Variants in CRMP1 observed in about 807,000 individuals in gnomAD.
CRMP1 encodes the protein collapsin response mediator protein 1.
A neutral mutation model predicts 68.3 loss-of-function variants in CRMP1; 19 were observed. The observed-to-expected ratio is 0.28, with a 90% confidence interval of 0.19 to 0.41. The LOEUF (loss-of-function observed/expected upper bound fraction) is 0.41. CRMP1 is among the 10% of genes least tolerant of loss of function. CRMP1 has a pLI of 1.00. For synonymous variants in CRMP1, 439 were observed against 399.6 expected (o/e 1.10, Z -1.18); for missense variants, 791 against 967.4 (o/e 0.82, Z 2.42).
Position 5,888,976 on chromosome 4 carries a change from T to C in CRMP1, c.381+3613A>G, listed in dbSNP as rs1226536791. On this transcript the variant is annotated intron_variant, in intron 1 of 13. Coordinates refer to ENST00000324989, the MANE Select transcript of CRMP1 (RefSeq NM_001014809.3). This position sits in a 1 kb window ranked among gnomAD's most constrained non-coding sequence, Gnocchi z 6.4. Reference sequence around the variant, plus strand: ...TTTATCCTTCCCGAGTGCCTCTCCCTGAATGCACCAAGCACTTTTTCCATC... The same window carrying C: ...TTTATCCTTCCCGAGTGCCTCTCCCCGAATGCACCAAGCACTTTTTCCATC... Among the ~76,000 whole-genome samples the C allele has an allele frequency of 6.6e-6, 1 of 151,970 alleles. No homozygotes were observed. Among genetic ancestry groups the C allele is most frequent in the African/African-American group, 2.4e-5 (1 of 41,376 alleles).
Position 5,841,477 on chromosome 4 carries a change from C to T in CRMP1, c.1033-49G>A. 1 of 1,606,076 alleles carries T rather than the reference C, an allele frequency of 6.2e-7. No homozygotes were observed. Among genetic ancestry groups the T allele is most frequent in the South Asian group, 1.1e-5 (1 of 90,290 alleles). On this transcript the variant is annotated intron_variant, in intron 7 of 13. Coordinates refer to ENST00000324989, the MANE Select transcript of CRMP1 (RefSeq NM_001014809.3). The surrounding 1 kb of genome is among the most constrained non-coding windows in gnomAD (Gnocchi z 6.9). ...ACAGGAGGGAAGGCTGGTGTAACAG[C>T]TACCACCCATCTCCATTTTCCTTAA...
rs1180351446 is a variant in CRMP1 at position 5,883,148 on chromosome 4, C to T, written c.381+9441G>A. Reference sequence around the variant, plus strand: ...TGTCATCCTCCAAACCCCAAGAAGCCATCTCTTGTTGCTTCTGCCAGGGCT... The same window carrying T: ...TGTCATCCTCCAAACCCCAAGAAGCTATCTCTTGTTGCTTCTGCCAGGGCT... On this transcript the variant is annotated intron_variant, in intron 1 of 13. Transcript: ENST00000324989. This position sits in a 1 kb window ranked among gnomAD's most constrained non-coding sequence, Gnocchi z 4.5. Among the ~76,000 whole-genome samples the T allele has an allele frequency of 6.6e-6, 1 of 152,102 alleles. No homozygotes were observed. Among genetic ancestry groups the T allele is most frequent in the Non-Finnish European group, 1.5e-5 (1 of 68,026 alleles).
rs1171939372 is a variant in CRMP1 at position 5,857,018 on chromosome 4, C to CA, written c.656-712_656-711insT. 2.9e-3 allele frequency among the ~76,000 whole-genome samples: 48 copies of CA among 16,588 alleles called. 2 individuals are homozygous for CA. The South Asian group carries it at 0.03, about 10-fold the overall frequency. The allele number at this position is 16,588 out of a possible 152,430, so 10.9% of individuals were successfully genotyped here. On this transcript the variant is annotated intron_variant, in intron 3 of 13. Transcript: ENST00000324989. ...CACCATCCACTATCATCACCACCAT[C>CA]TGCTATCATCACCACCATCCACTAT... is the stretch of plus-strand genomic sequence containing the variant.
intron 6 of CRMP1, among the ~76,000 whole-genome samples, chr4:5,846,621 C>CTCACTG (rs1171145773): frequency 1.3e-5 from 2 of 151,288 alleles, no homozygotes; most frequent in African/African-American, 4.9e-5. Context: ...AAGACGGGGT[C>CTCACTG]TCACTGTCAC....
intron 6 of CRMP1, among the ~76,000 whole-genome samples, chr4:5,844,509 C>A (rs922864072): frequency 1.3e-5 from 2 of 152,184 alleles, no homozygotes; most frequent in African/African-American, 4.8e-5. Flanking sequence ...ATGGACTACA[C>A]ACATGCATTT....
At chr4:5,830,979 G>C (rs1329630017) in intron 11 of CRMP1, among the ~76,000 whole-genome samples, 1 of 152,108 alleles carries the variant, frequency 6.6e-6, no homozygotes, top group Non-Finnish European at 1.5e-5. Context: ...TGGTTGTTTT[G>C]AGACAGGGTC....
intron 1 of CRMP1, among the ~76,000 whole-genome samples, chr4:5,868,298 T>TATAG (rs1714184085): frequency 8.0e-6 from 1 of 124,878 alleles, no homozygotes; most frequent in African/African-American, 2.7e-5. Context: ...TATATATATA[T>TATAG]ATATACATAA....
rs1162516506 is a variant in CRMP1 at position 5,866,069 on chromosome 4, A to C, written c.470+599T>G. On this transcript the variant is annotated intron_variant, in intron 2 of 13. Coordinates refer to ENST00000324989, the MANE Select transcript of CRMP1 (RefSeq NM_001014809.3). The surrounding 1 kb of genome is among the most constrained non-coding windows in gnomAD (Gnocchi z 5.9). ...TAAGCCACCCAGCCTGTGGCATTCC[A>C]TTCCGGCAGCCAGCGCTGGCTAAGA... Among the ~76,000 whole-genome samples the C allele has an allele frequency of 6.6e-6, 1 of 152,152 alleles. No homozygotes were observed. The highest frequency in any genetic ancestry group is 2.1e-4 in the South Asian group (1 of 4,820).
chr4:5,841,563 A>G lies in CRMP1; in HGVS notation c.1033-135T>C. On this transcript the variant is annotated intron_variant, in intron 7 of 13. Transcript: ENST00000324989. The surrounding 1 kb of genome is among the most constrained non-coding windows in gnomAD (Gnocchi z 6.9). ...ATGAGAAGGACATACTGAGTCCAAC[A>G]GCGCTTGACAGTGCCCCCTGCTCTC... 2 of 1,369,292 alleles carry G rather than the reference A, an allele frequency of 1.5e-6. No individual in the cohort carries two copies. The highest frequency in any genetic ancestry group is 2.0e-6 in the Non-Finnish European group (2 of 995,000). The allele number at this position is 1,369,292 out of a possible 1,614,324, so 84.8% of individuals were successfully genotyped here.
Position 5,843,294 on chromosome 4 carries a change from G to C in CRMP1, c.964-133C>G. 2.6e-6 allele frequency: 2 copies of C among 772,186 alleles called. No homozygotes were observed. The highest frequency in any genetic ancestry group is 1.6e-5 in the South Asian group (1 of 62,098). The allele number at this position is 772,186 out of a possible 1,614,324, so 47.8% of individuals were successfully genotyped here. A position where few individuals can be genotyped will look rare whatever the true frequency, so the allele number is the denominator to read the frequency against. The stretch of plus-strand genomic sequence containing the variant: ...GCGAGTGGCTTGCACTAGGTTAACA[G>C]TGTGCGGGGTGGGGGCAGTGAACTG... On this transcript the variant is annotated intron_variant, in intron 6 of 13. Transcript: ENST00000324989. The surrounding 1 kb of genome is among the most constrained non-coding windows in gnomAD (Gnocchi z 4.1).
chr4:5,882,542 T>C (rs949033142), intron 1 of CRMP1, among the ~76,000 whole-genome samples: 1 of 152,248 alleles, frequency 6.6e-6, no homozygotes, highest in Non-Finnish European at 1.5e-5. Context: ...CTTACACATA[T>C]TAAGTCATTT....
chr4:5,848,269 A>G (rs1712370004), intron 6 of CRMP1, among the ~76,000 whole-genome samples: 1 of 151,632 alleles, frequency 6.6e-6, no homozygotes, highest in Admixed American at 6.6e-5. Flanking sequence ...TCAGCCTCAC[A>G]CCTGATAATG....
chr4:5,839,894 TG>T (rs1711577537), intron 8 of CRMP1, among the ~76,000 whole-genome samples: 1 of 152,220 alleles, frequency 6.6e-6, no homozygotes, highest in African/African-American at 2.4e-5. Context: ...ACGCGCTCCA[TG>T]GGGCGTACGG....
In CRMP1 at chr4:5,838,942, C is replaced by T. The variant is rs1256997553; in HGVS notation, c.1310+580G>A. On this transcript the variant is annotated intron_variant, in intron 9 of 13. Transcript: ENST00000324989. This position sits in a 1 kb window ranked among gnomAD's most constrained non-coding sequence, Gnocchi z 4.9. ...CCAGAGCGGCCTGGACACTTAGCCTCGCTGTGTGGCCCTGCTATTGCTAAG... is the reference window on the plus strand; with the variant it reads ...CCAGAGCGGCCTGGACACTTAGCCTTGCTGTGTGGCCCTGCTATTGCTAAG... Among the ~76,000 whole-genome samples, 2 of 152,190 alleles carry T rather than the reference C, an allele frequency of 1.3e-5. No homozygotes were observed. Among genetic ancestry groups the T allele is most frequent in the Non-Finnish European group, 2.9e-5 (2 of 68,034 alleles).
rs1449354994 is a variant in CRMP1 at position 5,834,044 on chromosome 4, TCAA to T, written c.1623+1868_1623+1870del. On this transcript the variant is annotated intron_variant, in intron 11 of 13. Coordinates refer to ENST00000324989, the MANE Select transcript of CRMP1 (RefSeq NM_001014809.3). The surrounding 1 kb of genome is among the most constrained non-coding windows in gnomAD (Gnocchi z 4.3). ...CTGGGCAACAGAGCAAGACTCCATCTCAACAACAACAAAAGGAATAGTAAGACA... is the reference window on the plus strand; with the variant it reads ...CTGGGCAACAGAGCAAGACTCCATCTCAACAACAAAAGGAATAGTAAGACA... Among the ~76,000 whole-genome samples, 2 of 152,136 alleles carry T rather than the reference TCAA, an allele frequency of 1.3e-5. No homozygotes were observed. Among genetic ancestry groups the T allele is most frequent in the African/African-American group, 2.4e-5 (1 of 41,432 alleles).
chr4:5,861,413 TA>T lies in CRMP1; in HGVS notation c.471-204del, dbSNP rs1713544189. On this transcript the variant is annotated intron_variant, in intron 2 of 13. Coordinates refer to ENST00000324989, the MANE Select transcript of CRMP1 (RefSeq NM_001014809.3). This position sits in a 1 kb window ranked among gnomAD's most constrained non-coding sequence, Gnocchi z 6.0. ...GACGTAAGACAGGTGGGCAGACTGT[TA>T]GAGCCCAGTATAGCAGAGATGATCG... Among the ~76,000 whole-genome samples the T allele has an allele frequency of 3.3e-5, 5 of 152,302 alleles. No individual in the cohort carries two copies. In the South Asian group the frequency reaches 1.0e-3, roughly 32 times the overall value.
In CRMP1 at chr4:5,821,784, G is replaced by A. The variant is rs1185560183; in HGVS notation, c.2037C>T (p.Arg679=). The change falls in exon 14 of 14, where the codon CGC becomes CGT. Residue 679 remains arginine (R), a synonymous_variant. Transcript: ENST00000324989. The surrounding 1 kb of genome is among the most constrained non-coding windows in gnomAD (Gnocchi z 4.4). ...TTCAACCGAGGCTGGTGATGTTGGA[G>A]CGGCCACCAGGGGGCGCCACGATGC... The part of the protein sequence containing the change: ...GHRIVAPPGG[R]SNITSLG 3.1e-6 allele frequency: 5 copies of A among 1,611,208 alleles called. No homozygotes were observed. The highest frequency in any genetic ancestry group is 4.2e-6 in the Non-Finnish European group (5 of 1,178,830).
chr4:5,887,193 T>C (rs1715651209), intron 1 of CRMP1, among the ~76,000 whole-genome samples: 1 of 152,244 alleles, frequency 6.6e-6, no homozygotes, highest in Non-Finnish European at 1.5e-5. Flanking sequence ...GACAGGCCAC[T>C]GGCAGGTGAG....
chr4:5,875,341 T>A lies in CRMP1; in HGVS notation c.382-8585A>T, dbSNP rs142367925. Among the ~76,000 whole-genome samples, 134 of 149,364 alleles carry A rather than the reference T, an allele frequency of 9.0e-4. 3 individuals carry two copies. The South Asian group carries it at 0.018, about 20-fold the overall frequency. On this transcript the variant is annotated intron_variant, in intron 1 of 13. Coordinates refer to ENST00000324989, the MANE Select transcript of CRMP1 (RefSeq NM_001014809.3). ...GCATGGTGGGAATAAATCTGTCATC[T>A]CCACCATGAAGGTGGATGTCAGAAG...
Sources: gnomAD v4.1 joint callset for allele counts (sites outside exome capture counted in the v4.1 genomes callset) on GRCh38, gnomAD v4.1.1 for gene constraint, Gnocchi (gnomAD v3.1) non-coding constraint, MANE v1.5 for transcripts, NCBI Gene and HGNC (gene_info 2026-07-23, HGNC 2026-07-21) for gene names.